Variants in CPM observed in about 807,000 individuals in gnomAD.
The protein encoded by CPM is carboxypeptidase M.
A neutral mutation model predicts 46.4 loss-of-function variants in CPM; 35 were observed. The ratio of observed to expected loss-of-function variants is 0.75; its 90% CI spans 0.58 to 1.00. The LOEUF is 1.00. CPM is among the 50% of genes least tolerant of loss of function. The probability of loss-of-function intolerance (pLI) is 0.00; values close to 1 mark genes in which losing one functional copy is unlikely to be tolerated. For missense variants in CPM, 422 were observed against 530.4 expected (o/e 0.80, Z 2.01); for synonymous variants, 195 against 195.3 (o/e 1.00, Z 0.01).
At chr12:68,914,138 T>G in intron 2 of CPM, 1 of 472,918 alleles carries the variant, frequency 2.1e-6, no homozygotes, top group Non-Finnish European at 3.9e-6. Context: ...ATGAATCCAT[T>G]CTTTGGAGAT....
At chr12:68,878,086 T>C (rs779710982) in intron 3 of CPM, among the ~76,000 whole-genome samples, 10 of 152,240 alleles carry the variant, frequency 6.6e-5, no homozygotes, top group African/African-American at 1.7e-4. Context: ...GCCACAATCA[T>C]AAAATTCTAA....
At chr12:68,911,459 C>G (rs1887590917) in intron 2 of CPM, among the ~76,000 whole-genome samples, 1 of 152,174 alleles carries the variant, frequency 6.6e-6, no homozygotes, top group Admixed American at 6.5e-5. Flanking sequence ...TAACCACTGG[C>G]AAGTCAGTAT....
chr12:68,857,405 A>G (rs1007442099), intron 8 of CPM, among the ~76,000 whole-genome samples: 51 of 151,808 alleles, frequency 3.4e-4, no homozygotes, highest in Non-Finnish European at 6.9e-4. Flanking sequence ...CAAGTGATCC[A>G]CCTGCCTCTC....
intron 1 of CPM, among the ~76,000 whole-genome samples, chr12:68,946,114 C>A (rs1289420886): frequency 6.6e-6 from 1 of 152,072 alleles, no homozygotes; most frequent in African/African-American, 2.4e-5. Context: ...CCTGCCTCGG[C>A]CTCTCAAAAT....
At chr12:68,961,407 G>A (rs1889109489) in intron 1 of CPM, among the ~76,000 whole-genome samples, 3 of 152,016 alleles carry the variant, frequency 2.0e-5, no homozygotes, top group African/African-American at 4.8e-5. Flanking sequence ...GGGTCTCCCA[G>A]AGTGCTGGGA....
Position 68,883,527 on chromosome 12 carries a change from C to T in CPM, c.258+2265G>A, listed in dbSNP as rs956617937. Among the ~76,000 whole-genome samples, 7 of 152,272 alleles carry T rather than the reference C, an allele frequency of 4.6e-5. No homozygotes were observed. In the South Asian group the frequency reaches 8.3e-4, roughly 18 times the overall value. On this transcript the variant is annotated intron_variant, in intron 3 of 8. Coordinates refer to ENST00000551568, the MANE Select transcript of CPM (RefSeq NM_198320.5). ...CCCAAAATACACTGGGACTTTTCCC[C>T]GCTGCCTAGTCTCAGCCCTCAGCAT...
chr12:68,958,208 G>A (rs1292277885), intron 1 of CPM, among the ~76,000 whole-genome samples: 4 of 152,126 alleles, frequency 2.6e-5, no homozygotes, highest in Non-Finnish European at 5.9e-5. Context: ...TATATACCCA[G>A]TAATGGGATG....
chr12:68,935,636 GT>G (rs35183489), upstream of CPM, among the ~76,000 whole-genome samples: 609 of 145,586 alleles, frequency 4.2e-3, 3 homozygotes, highest in African/African-American at 0.011. Context: ...CTTTGAGTAG[GT>G]TTTTTTTTTT....
intron 5 of CPM, among the ~76,000 whole-genome samples, chr12:68,869,950 T>A (rs1885618269): frequency 6.6e-6 from 1 of 152,224 alleles, no homozygotes; most frequent in Non-Finnish European, 1.5e-5. Context: ...AGAATCAAAA[T>A]CTGACTATTT....
At position 68,856,355 on chromosome 12, in the gene CPM, A is replaced by G; in HGVS notation, c.*82T>C. ...GAGTTTCTCCAGTCAAGGTCCCACTAGAGTGAGTTAGGGTTGCAGTAACCT... is the reference window on the plus strand; with the variant it reads ...GAGTTTCTCCAGTCAAGGTCCCACTGGAGTGAGTTAGGGTTGCAGTAACCT... On this transcript the variant is annotated 3_prime_UTR_variant, in exon 9 of 9. Coordinates refer to ENST00000551568, the MANE Select transcript of CPM (RefSeq NM_198320.5). 6.8e-7 allele frequency: 1 copy of G among 1,461,928 alleles called. No homozygotes were observed. The highest frequency in any genetic ancestry group is 9.3e-7 in the Non-Finnish European group (1 of 1,075,132). 90.6% of individuals were successfully genotyped at this position (1,461,928 alleles called of 1,614,324 possible). A position where few individuals can be genotyped will look rare whatever the true frequency, so the allele number is the denominator to read the frequency against.
intron 2 of CPM, among the ~76,000 whole-genome samples, chr12:68,924,520 T>C (rs1888177859): frequency 6.6e-6 from 1 of 151,378 alleles, no homozygotes; most frequent in African/African-American, 2.4e-5. Flanking sequence ...ACCCTGAATG[T>C]TTCAAGAATA....
At chr12:68,870,130 G>A (rs1260109184) in intron 5 of CPM, 85 bp downstream of exon 5, 9 of 1,345,340 alleles carry the variant, frequency 6.7e-6, no homozygotes, top group Non-Finnish European at 5.1e-6. Flanking sequence ...AGAGGGGAAG[G>A]GAGAGCTGAT....
chr12:68,960,635 G>A (rs948046732), intron 1 of CPM, among the ~76,000 whole-genome samples: 9 of 152,102 alleles, frequency 5.9e-5, no homozygotes, highest in Non-Finnish European at 1.3e-4. Context: ...AAGATAATTC[G>A]CAGGGCCCAG....
At chr12:68,936,174 A>G (rs1406029225), upstream of CPM, among the ~76,000 whole-genome samples, 1 of 152,120 alleles carries the variant, frequency 6.6e-6, no homozygotes, top group African/African-American at 2.4e-5. Context: ...GGAAATGTAG[A>G]ATCTGTCACT....
downstream of CPM, chr12:68,847,336 A>G (rs1447215539): frequency 6.7e-6 from 1 of 148,578 alleles, no homozygotes; most frequent in Non-Finnish European, 1.5e-5. Flanking sequence ...GAGCCACTGC[A>G]TCTGGTGAAT....
intron 2 of CPM, among the ~76,000 whole-genome samples, chr12:68,907,597 G>A (rs1368962354): frequency 2.0e-5 from 3 of 152,196 alleles, no homozygotes; most frequent in Non-Finnish European, 4.4e-5. Flanking sequence ...AAGAAAGGAA[G>A]TGCAGTGATT....
rs550366553 is a variant in CPM, at chr12:68,855,381, C to G, written c.*1056G>C. 6.6e-6 allele frequency: 1 copy of G among 152,194 alleles called. No individual in the cohort carries two copies. The highest frequency in any genetic ancestry group is 1.5e-5 in the Non-Finnish European group (1 of 68,134). 9.4% of individuals were successfully genotyped at this position (152,194 alleles called of 1,614,324 possible). A position where few individuals can be genotyped will look rare whatever the true frequency, so the allele number is the denominator to read the frequency against. ...GATGTGTCCTGTGGGCAGTGGGACG[C>G]GAGTCTGAAGCTCAGGCAAGAGGCT... On this transcript the variant is annotated 3_prime_UTR_variant, in exon 9 of 9. Coordinates refer to ENST00000551568, the MANE Select transcript of CPM (RefSeq NM_198320.5).
chr12:68,868,480 C>T (rs940876914), intron 6 of CPM, among the ~76,000 whole-genome samples: 2 of 152,226 alleles, frequency 1.3e-5, no homozygotes, highest in African/African-American at 4.8e-5. Flanking sequence ...GTCAGGCTAA[C>T]GAGTCTAAAA....
chr12:68,859,595 A>G (rs1047627879), intron 7 of CPM, among the ~76,000 whole-genome samples: 20 of 152,232 alleles, frequency 1.3e-4, no homozygotes, highest in Non-Finnish European at 2.8e-4. Flanking sequence ...TTTATTGAGC[A>G]CTTAGTATAT....
Sources: gnomAD v4.1 joint callset for allele counts (sites outside exome capture counted in the v4.1 genomes callset) on GRCh38, gnomAD v4.1.1 for gene constraint, MANE v1.5 for transcripts, NCBI Gene and HGNC (gene_info 2026-07-23, HGNC 2026-07-21) for gene names.